Variants in KCNN2 observed in about 807,000 individuals in gnomAD.
KCNN2 encodes the protein potassium calcium-activated channel subfamily N member 2.
A neutral mutation model predicts 55.5 loss-of-function variants in KCNN2; 24 were observed. That is an observed-to-expected ratio of 0.43 (90% CI 0.31 to 0.61). The LOEUF is 0.61. Ranked by LOEUF, KCNN2 falls within the 20% of genes least tolerant of loss-of-function variation. KCNN2 has a pLI of 0.08. For missense variants in KCNN2, 754 were observed against 853.6 expected, an observed-to-expected ratio of 0.88 and a Z score of 1.45; for synonymous variants, 431 against 336.1, an observed-to-expected ratio of 1.28 and a Z score of -3.09.
intron 1 of KCNN2, among the ~76,000 whole-genome samples, chr5:114,146,175 C>T (rs148214471): frequency 2.6e-5 from 4 of 152,032 alleles, no homozygotes; most frequent in African/African-American, 4.8e-5. Flanking sequence ...AGATGGTTAC[C>T]AGAAAAAATG....
chr5:114,228,565 A>T (rs1359337094), intron 2 of KCNN2, among the ~76,000 whole-genome samples: 1 of 152,074 alleles, frequency 6.6e-6, no homozygotes, highest in Non-Finnish European at 1.5e-5. Context: ...AAAAGTTGGA[A>T]AATTTTTATT....
At chr5:114,149,597 G>C (rs911856742) in intron 1 of KCNN2, among the ~76,000 whole-genome samples, 1 of 151,970 alleles carries the variant, frequency 6.6e-6, no homozygotes, top group South Asian at 2.1e-4. Context: ...GAGGTGAGAT[G>C]GTCACATGGG....
chr5:114,061,280 G>A (rs187905148), intron 1 of KCNN2, among the ~76,000 whole-genome samples: 10 of 152,202 alleles, frequency 6.6e-5, no homozygotes, highest in South Asian at 2.1e-4. Flanking sequence ...ACTCCAAGAC[G>A]CTACCTCCCC....
chr5:114,056,485 C>G (rs1750210468), exon 1 of KCNN2: 5 of 398,584 alleles, frequency 1.3e-5, no homozygotes, highest in Non-Finnish European at 1.3e-5. Context: ...AGCGGGACTC[C>G]TGGTTGCAGA....
At chr5:114,182,013 C>CA (rs55837615) in intron 1 of KCNN2, among the ~76,000 whole-genome samples, 25 of 150,640 alleles carry the variant, frequency 1.7e-4, no homozygotes, top group Middle Eastern at 3.4e-3. Context: ...GAAGCTGTGT[C>CA]AAAAAAAAAA....
At chr5:114,057,369 G>T (rs1010926503) in intron 1 of KCNN2, among the ~76,000 whole-genome samples, 1 of 152,054 alleles carries the variant, frequency 6.6e-6, no homozygotes, top group Non-Finnish European at 1.5e-5. Context: ...TTACAGATGG[G>T]GTAACTCAGA....
intron 2 of KCNN2, among the ~76,000 whole-genome samples, chr5:114,269,168 T>A (rs1755270371): frequency 6.6e-6 from 1 of 152,192 alleles, no homozygotes; most frequent in Non-Finnish European, 1.5e-5. Flanking sequence ...AGTTAGATGC[T>A]GTATTCTATA....
intron 1 of KCNN2, among the ~76,000 whole-genome samples, chr5:114,146,603 C>T (rs914840424): frequency 6.6e-6 from 1 of 152,126 alleles, no homozygotes; most frequent in African/African-American, 2.4e-5. Flanking sequence ...AAAGAAGGAA[C>T]ATGAGTAATA....
chr5:114,293,014 A>G (rs915764377), intron 2 of KCNN2, among the ~76,000 whole-genome samples: 1 of 152,170 alleles, frequency 6.6e-6, no homozygotes, highest in African/African-American at 2.4e-5. Context: ...GTGCATAAGA[A>G]TGCTTGTAAT....
intron 1 of KCNN2, among the ~76,000 whole-genome samples, chr5:114,182,168 T>C (rs534952615): frequency 8.5e-5 from 13 of 152,276 alleles, no homozygotes; most frequent in African/African-American, 2.9e-4. Flanking sequence ...CAAATGACTT[T>C]AGAATTATCA....
chr5:114,397,114 C>A lies in KCNN2; in HGVS notation c.1219-7324C>A, dbSNP rs184816860. On this transcript the variant is annotated intron_variant, in intron 2 of 7. Coordinates refer to ENST00000673685, the MANE Select transcript of KCNN2 (RefSeq NM_021614.4). ...GTACACATACCATATTTTCTTTATC[C>A]CTCTACCAATGAAGGGCATTTAGGT... Among the ~76,000 whole-genome samples the A allele has an allele frequency of 1.3e-3, 192 of 152,172 alleles. 1 individual carries two copies. The highest frequency in any genetic ancestry group is 3.5e-3 in the African/African-American group (146 of 41,508).
intron 1 of KCNN2, among the ~76,000 whole-genome samples, chr5:114,165,248 C>G (rs1445399866): frequency 6.6e-6 from 1 of 152,142 alleles, no homozygotes; most frequent in Non-Finnish European, 1.5e-5. Flanking sequence ...TCCTCTGCCT[C>G]TGTCACCCCA....
chr5:114,157,776 A>G (rs1490162499), intron 1 of KCNN2, among the ~76,000 whole-genome samples: 2 of 150,906 alleles, frequency 1.3e-5, no homozygotes, highest in East Asian at 1.9e-4. Flanking sequence ...GCATTTTTTC[A>G]TGTGTTTTTT....
chr5:114,478,154 A>T (rs566527675), intron 5 of KCNN2, among the ~76,000 whole-genome samples: 1 of 152,296 alleles, frequency 6.6e-6, no homozygotes, highest in Admixed American at 6.5e-5. Flanking sequence ...TTGAGAGCAT[A>T]TGGCACCCTG....
At chr5:114,141,256 A>C (rs1402395113) in intron 1 of KCNN2, among the ~76,000 whole-genome samples, 3 of 152,010 alleles carry the variant, frequency 2.0e-5, no homozygotes, top group African/African-American at 7.2e-5. Context: ...CATTAGGTAT[A>C]TCTCCTAATG....
chr5:114,486,106 G>A (rs965653291), intron 5 of KCNN2, among the ~76,000 whole-genome samples: 2 of 152,134 alleles, frequency 1.3e-5, no homozygotes, highest in African/African-American at 2.4e-5. Flanking sequence ...TTTGTCTTCC[G>A]CACTACACTG....
chr5:114,345,893 G>T (rs1022114944), intron 2 of KCNN2, among the ~76,000 whole-genome samples: 1 of 152,128 alleles, frequency 6.6e-6, no homozygotes, highest in Non-Finnish European at 1.5e-5. Context: ...TGATTCTTCT[G>T]CCTCGGCATC....
intron 2 of KCNN2, among the ~76,000 whole-genome samples, chr5:114,292,389 C>A (rs1755910034): frequency 2.0e-5 from 3 of 152,146 alleles, no homozygotes; most frequent in African/African-American, 7.2e-5. Context: ...GGAAGGGATC[C>A]AGTTTCAGCT....
chr5:114,268,428 G>A (rs188848081), intron 2 of KCNN2, among the ~76,000 whole-genome samples: 2 of 152,266 alleles, frequency 1.3e-5, no homozygotes, highest in Admixed American at 6.5e-5. Context: ...AATTATAATC[G>A]TGTCTCTCAT....
Sources: allele counts gnomAD v4.1 joint callset (sites outside exome capture counted in the v4.1 genomes callset), GRCh38; gene constraint gnomAD v4.1.1; transcripts MANE v1.5; gene names NCBI Gene and HGNC (gene_info 2026-07-23, HGNC 2026-07-21).